ACVR1: variants seen among roughly 807,000 people sequenced by gnomAD.
ACVR1 encodes the protein activin A receptor type 1, also known as activin receptor type-1.
Under a neutral mutation model 57.1 loss-of-function variants are expected in ACVR1, and 38 were observed. The ratio of observed to expected loss-of-function variants is 0.67; its 90% confidence interval spans 0.51 to 0.87. ACVR1 has a LOEUF of 0.87. Ranked by LOEUF, ACVR1 falls within the 40% of genes least tolerant of loss-of-function variation. ACVR1 has a pLI of 0.00. For missense variants in ACVR1, 463 were observed against 638.2 expected (o/e 0.73, Z 2.96); for synonymous variants, 212 against 228.1 (o/e 0.93, Z 0.63).
intron 9 of ACVR1, among the ~76,000 whole-genome samples, chr2:157,752,472 T>C (rs1167781061): frequency 6.6e-6 from 1 of 152,116 alleles, no homozygotes; most frequent in Admixed American, 6.5e-5. Flanking sequence ...AATTCCTGAA[T>C]TGCCAGAAAA....
At chr2:157,800,867 T>A (rs930553046) in intron 2 of ACVR1, among the ~76,000 whole-genome samples, 6 of 152,124 alleles carry the variant, frequency 3.9e-5, no homozygotes, top group African/African-American at 1.4e-4. Flanking sequence ...TGTTCCCCTC[T>A]GCTTGAACTG....
chr2:157,794,020 G>T (rs16842101), intron 3 of ACVR1, among the ~76,000 whole-genome samples: 14,238 of 152,170 alleles, frequency 0.094, 2,237 homozygotes, highest in African/African-American at 0.32. Flanking sequence ...TGGCCTTCCT[G>T]GCTATAATAA....
At chr2:157,793,159 T>C (rs936566102) in intron 3 of ACVR1, among the ~76,000 whole-genome samples, 1 of 152,224 alleles carries the variant, frequency 6.6e-6, no homozygotes, top group Non-Finnish European at 1.5e-5. Flanking sequence ...CCTCTCACTC[T>C]GGAGACCTGT....
intron 1 of ACVR1, among the ~76,000 whole-genome samples, chr2:157,851,894 CACA>C (rs1689319086): frequency 7.7e-5 from 3 of 38,900 alleles, no homozygotes; most frequent in East Asian, 4.3e-4. Context: ...CACACACACA[CACA>C]CACACACACA....
chr2:157,743,250 C>T (rs1163875822), intron 9 of ACVR1, among the ~76,000 whole-genome samples: 3 of 152,142 alleles, frequency 2.0e-5, no homozygotes, highest in Non-Finnish European at 2.9e-5. Flanking sequence ...TCATGCTTCT[C>T]ACCTTCTGAG....
intron 9 of ACVR1, among the ~76,000 whole-genome samples, chr2:157,749,181 G>A (rs1197389694): frequency 6.6e-6 from 1 of 152,200 alleles, no homozygotes; most frequent in East Asian, 1.9e-4. Flanking sequence ...GTTGGGGCAT[G>A]CCCAATTTGA....
chr2:157,821,050 G>A (rs1334282627), intron 1 of ACVR1, among the ~76,000 whole-genome samples: 2 of 152,268 alleles, frequency 1.3e-5, no homozygotes, highest in East Asian at 3.9e-4. Flanking sequence ...GGGAAATAAC[G>A]TGAACTGGAT....
intron 1 of ACVR1, among the ~76,000 whole-genome samples, chr2:157,873,045 T>C (rs1369005546): frequency 6.6e-6 from 1 of 152,254 alleles, no homozygotes; most frequent in Non-Finnish European, 1.5e-5. Flanking sequence ...ATGGTAGTAA[T>C]ACATAATTTC....
intron 6 of ACVR1, among the ~76,000 whole-genome samples, chr2:157,771,524 T>C (rs1686070022): frequency 6.6e-6 from 1 of 152,174 alleles, no homozygotes; most frequent in Non-Finnish European, 1.5e-5. Flanking sequence ...GCAAGAGATA[T>C]AACTTGCAGG....
chr2:157,854,380 G>A (rs1405264336), intron 1 of ACVR1, among the ~76,000 whole-genome samples: 2 of 152,142 alleles, frequency 1.3e-5, no homozygotes, highest in Non-Finnish European at 2.9e-5. Flanking sequence ...AGAGATAGAG[G>A]AAGACAATGA....
intron 7 of ACVR1, among the ~76,000 whole-genome samples, chr2:157,766,505 A>C (rs1329725696): frequency 6.6e-6 from 1 of 152,226 alleles, no homozygotes; most frequent in Non-Finnish European, 1.5e-5. Flanking sequence ...TGATAGTGCC[A>C]AGCCCTTCAG....
intron 2 of ACVR1, among the ~76,000 whole-genome samples, chr2:157,808,043 C>T (rs1687623271): frequency 6.6e-6 from 1 of 152,154 alleles, no homozygotes; most frequent in African/African-American, 2.4e-5. Flanking sequence ...CTCACTCCCA[C>T]ACTCCAAGCC....
At chr2:157,836,220 T>C (rs904519551) in intron 1 of ACVR1, among the ~76,000 whole-genome samples, 1 of 152,198 alleles carries the variant, frequency 6.6e-6, no homozygotes, top group Non-Finnish European at 1.5e-5. Context: ...AAGAGGCAAA[T>C]ACTTTTTTGG....
chr2:157,779,533 T>C (rs1302070472), intron 4 of ACVR1, among the ~76,000 whole-genome samples: 1 of 152,212 alleles, frequency 6.6e-6, no homozygotes, highest in Non-Finnish European at 1.5e-5. Flanking sequence ...ACATTTCTAG[T>C]TTTGGATGCT....
chr2:157,823,003 G>A (rs10181685), intron 1 of ACVR1, among the ~76,000 whole-genome samples: 6,516 of 152,272 alleles, frequency 0.043, 456 homozygotes, highest in African/African-American at 0.14. Context: ...TATGTATACA[G>A]TATGCTATGC....
intron 2 of ACVR1, among the ~76,000 whole-genome samples, chr2:157,808,167 T>C (rs1382994030): frequency 6.6e-6 from 1 of 150,468 alleles, no homozygotes; most frequent in African/African-American, 2.5e-5. Context: ...TAGTTTAAAA[T>C]AAAATAAATA....
At chr2:157,756,892 C>A (rs918365352) in intron 9 of ACVR1, among the ~76,000 whole-genome samples, 2 of 150,884 alleles carry the variant, frequency 1.3e-5, no homozygotes, top group African/African-American at 4.9e-5. Flanking sequence ...AAATATGGAA[C>A]TAGCCCAAAT....
intron 3 of ACVR1, among the ~76,000 whole-genome samples, chr2:157,784,670 A>G (rs748369212): frequency 6.6e-6 from 1 of 152,244 alleles, no homozygotes; most frequent in South Asian, 2.1e-4. Flanking sequence ...GACCACAAAC[A>G]GGGACTGCTT....
Position 157,765,996 on chromosome 2 carries a change from C to A in ACVR1, c.991G>T (p.Ala331Ser), listed in dbSNP as rs1273830277. 8 of 1,614,124 alleles carry A rather than the reference C, an allele frequency of 5.0e-6. No homozygotes were observed. The highest frequency in any genetic ancestry group is 6.8e-6 in the Non-Finnish European group (8 of 1,179,990). Residue 331 changes from alanine to serine, a missense_variant, in exon 8 of 11, where the codon GCC becomes TCC. Coordinates refer to ENST00000434821, the MANE Select transcript of ACVR1 (RefSeq NM_001111067.4). ...CTCTTTAAATCTCGATGGGCAATGG[C>A]TGGTTTCCCTTGGGTCCCAAATATC... ...IEIFGTQGKP[A>S]IAHRDLKSKN...
Sources: allele counts gnomAD v4.1 joint callset (sites outside exome capture counted in the v4.1 genomes callset), GRCh38; gene constraint gnomAD v4.1.1; transcripts MANE v1.5; gene names NCBI Gene and HGNC (gene_info 2026-07-23, HGNC 2026-07-21).